TEX22: variants seen among roughly 807,000 people sequenced by gnomAD.
The protein encoded by TEX22 is testis-expressed protein 22.
A neutral mutation model predicts 11.3 loss-of-function variants in TEX22; 16 were observed. That is an observed-to-expected ratio of 1.42 (90% CI 0.96 to 2.15). TEX22 has a LOEUF of 2.15. Among genes scored for constraint, TEX22 ranks in the 30% most tolerant of loss-of-function variants. The pLI is 0.00. For missense variants in TEX22, 220 were observed against 208.6 expected (o/e 1.05, Z -0.34); for synonymous variants, 97 against 92.3 (o/e 1.05, Z -0.29).
chr14:105,402,744 A>G (rs1216324780), intron 2 of TEX22, among the ~76,000 whole-genome samples: 1 of 147,028 alleles, frequency 6.8e-6, no homozygotes, highest in Non-Finnish European at 1.5e-5. Flanking sequence ...CGACAGAGCG[A>G]GACTCCGTCT....
At chr14:105,411,594 C>G in intron 3 of TEX22, 66 bp from the exon 4 acceptor site, 1 of 1,462,214 alleles carries the variant, frequency 6.8e-7, no homozygotes, top group Non-Finnish European at 9.0e-7. Flanking sequence ...TTTACCCCGG[C>G]GCTCCCGGGC....
intron 2 of TEX22, among the ~76,000 whole-genome samples, chr14:105,405,804 T>C (rs939811495): frequency 1.3e-5 from 2 of 152,170 alleles, no homozygotes; most frequent in Non-Finnish European, 2.9e-5. Flanking sequence ...AAGTATAATT[T>C]GAAAAAATAA....
In TEX22 at chr14:105,399,174, C is replaced by T. The variant is rs587727165; in HGVS notation, c.-39-128C>T. 76 of 614,468 alleles carry T rather than the reference C, an allele frequency of 1.2e-4. No individual in the cohort carries two copies. The South Asian group carries it at 1.4e-3, about 11-fold the overall frequency. The allele number at this position is 614,468 out of a possible 1,614,324, so 38.1% of individuals were successfully genotyped here. A position where few individuals can be genotyped will look rare whatever the true frequency, so the allele number is the denominator to read the frequency against. Reference sequence around the variant, plus strand: ...ACCCAGAGGGGTCAGTGATGCCTGACCTTTGGCTGGAAGGTGACCCTAGCA... The same window carrying T: ...ACCCAGAGGGGTCAGTGATGCCTGATCTTTGGCTGGAAGGTGACCCTAGCA... On this transcript the variant is annotated intron_variant, in intron 1 of 3. Coordinates refer to ENST00000451127, the MANE Select transcript of TEX22 (RefSeq NM_001195082.2).
chr14:105,399,556 C>G, intron 2 of TEX22, 66 bp downstream of exon 2: 1 of 1,459,290 alleles, frequency 6.9e-7, no homozygotes, highest in South Asian at 1.4e-5. Context: ...GCCGCTGTCT[C>G]TGAAAACTCC....
chr14:105,411,155 G>C (rs782684336), intron 2 of TEX22, among the ~76,000 whole-genome samples: 6 of 152,226 alleles, frequency 3.9e-5, no homozygotes, highest in Non-Finnish European at 8.8e-5. Context: ...TGGGTTGGGC[G>C]GTGTCCTGGC....
At chr14:105,402,733 G>T (rs587729438) in intron 2 of TEX22, among the ~76,000 whole-genome samples, 1 of 149,644 alleles carries the variant, frequency 6.7e-6, no homozygotes, top group Non-Finnish European at 1.5e-5. Context: ...TCCAGCCTGG[G>T]CGACAGAGCG....
chr14:105,410,376 C>T (rs1414449241), intron 2 of TEX22, among the ~76,000 whole-genome samples: 1 of 152,224 alleles, frequency 6.6e-6, no homozygotes, highest in Non-Finnish European at 1.5e-5. Flanking sequence ...CACACCCGGC[C>T]AGCCTTTTTA....
intron 2 of TEX22, among the ~76,000 whole-genome samples, chr14:105,401,975 C>T (rs587743907): frequency 4.6e-5 from 7 of 152,230 alleles, no homozygotes; most frequent in South Asian, 2.1e-4. Flanking sequence ...CACCTGAGGT[C>T]GAGAGTTGGA....
intron 2 of TEX22, among the ~76,000 whole-genome samples, chr14:105,405,289 C>CA (rs201375056): frequency 1.1e-3 from 144 of 136,220 alleles, no homozygotes; most frequent in South Asian, 1.9e-3. Context: ...GACCTTGACT[C>CA]AAAAAAAAAA....
At chr14:105,399,246 G>A (rs369414484) in intron 1 of TEX22, 56 bp from the exon 2 acceptor site, 1 of 1,058,310 alleles carries the variant, frequency 9.4e-7, no homozygotes, top group African/African-American at 1.6e-5. Context: ...AGGTATTGGT[G>A]GGCACGTGGG....
In TEX22 at chr14:105,399,294, A is replaced by AC; in HGVS notation, c.-39-3dup. ...CCCCGCCCCACCTCCCCCTGCTCCT[A>AC]CCCCCAGATCTCAGAGGTGTGGACA... On this transcript the variant is annotated splice_region_variant and splice_polypyrimidine_tract_variant and intron_variant, in intron 1 of 3. Coordinates refer to ENST00000451127, the MANE Select transcript of TEX22 (RefSeq NM_001195082.2). 2 of 1,443,222 alleles carry AC rather than the reference A, an allele frequency of 1.4e-6. No individual in the cohort carries two copies. Among genetic ancestry groups the AC allele is most frequent in the Non-Finnish European group, 1.8e-6 (2 of 1,089,600 alleles). The allele number at this position is 1,443,222 out of a possible 1,614,324, so 89.4% of individuals were successfully genotyped here. A position where few individuals can be genotyped will look rare whatever the true frequency, so the allele number is the denominator to read the frequency against.
intron 2 of TEX22, among the ~76,000 whole-genome samples, chr14:105,409,053 C>T (rs1208541737): frequency 6.6e-6 from 1 of 151,252 alleles, no homozygotes; most frequent in Non-Finnish European, 1.5e-5. Flanking sequence ...CTCTCACAGA[C>T]CCCTGTACAT....
chr14:105,410,974 C>T (rs1390789704), intron 2 of TEX22, among the ~76,000 whole-genome samples: 4 of 152,216 alleles, frequency 2.6e-5, no homozygotes, highest in African/African-American at 9.6e-5. Flanking sequence ...ATGATCATTT[C>T]AGAGGGGTCT....
intron 2 of TEX22, 127 bp from the exon 3 acceptor site, chr14:105,411,241 G>A: frequency 9.3e-7 from 1 of 1,074,536 alleles, no homozygotes; most frequent in Non-Finnish European, 1.2e-6. Context: ...GGAGCAGCGG[G>A]AGGCTGAGCA....
Position 105,413,789 on chromosome 14 carries a change from C to G in TEX22, c.*1956C>G, listed in dbSNP as rs1595225301. The G allele has an allele frequency of 6.6e-6, 1 of 152,358 alleles. No individual in the cohort carries two copies. Among genetic ancestry groups the G allele is most frequent in the East Asian group, 1.9e-4 (1 of 5,186 alleles). The allele number at this position is 152,358 out of a possible 1,614,324, so 9.4% of individuals were successfully genotyped here. On this transcript the variant is annotated 3_prime_UTR_variant, in exon 4 of 4. Coordinates refer to ENST00000451127, the MANE Select transcript of TEX22 (RefSeq NM_001195082.2). The surrounding 1 kb of genome is among the most constrained non-coding windows in gnomAD (Gnocchi z 4.2). ...CGGGACAGGGGCAGTGCCTGGAGAC[C>G]GCTTAGGTTGTCACAACTGGGATTT... is the stretch of plus-strand genomic sequence containing the variant.
chr14:105,407,553 A>C (rs587624541), intron 2 of TEX22, among the ~76,000 whole-genome samples: 1 of 150,382 alleles, frequency 6.6e-6, no homozygotes, highest in East Asian at 2.0e-4. Flanking sequence ...TTTTTTGTAG[A>C]GATGAGGTCT....
chr14:105,402,749 C>T (rs1233653506), intron 2 of TEX22, among the ~76,000 whole-genome samples: 1 of 145,832 alleles, frequency 6.9e-6, no homozygotes, highest in Non-Finnish European at 1.5e-5. Context: ...GAGCGAGACT[C>T]CGTCTCAAAA....
rs1202699778 is a variant in TEX22, at chr14:105,413,648, G to T, written c.*1815G>T. ...TGGTGGCAGCAGAGACAAAACCCTG[G>T]CCTCCTTCAGGCTGAGGCCCAGAGC... On this transcript the variant is annotated 3_prime_UTR_variant, in exon 4 of 4. Transcript: ENST00000451127. The surrounding 1 kb of genome is among the most constrained non-coding windows in gnomAD (Gnocchi z 4.2). 1.3e-5 allele frequency: 2 copies of T among 152,296 alleles called. No individual in the cohort carries two copies. Among genetic ancestry groups the T allele is most frequent in the Non-Finnish European group, 1.5e-5 (1 of 68,132 alleles). 9.4% of individuals were successfully genotyped at this position (152,296 alleles called of 1,614,324 possible). A position where few individuals can be genotyped will look rare whatever the true frequency, so the allele number is the denominator to read the frequency against.
chr14:105,401,938 C>A (rs1412268664), intron 2 of TEX22, among the ~76,000 whole-genome samples: 3 of 152,196 alleles, frequency 2.0e-5, no homozygotes, highest in African/African-American at 7.2e-5. Flanking sequence ...GTAATCCCAA[C>A]AATTCAGGAG....
Sources: gnomAD v4.1 joint callset for allele counts (sites outside exome capture counted in the v4.1 genomes callset) on GRCh38, gnomAD v4.1.1 for gene constraint, Gnocchi (gnomAD v3.1) non-coding constraint, MANE v1.5 for transcripts, NCBI Gene and HGNC (gene_info 2026-07-23, HGNC 2026-07-21) for gene names.